PPFIBP1: variants seen among roughly 807,000 people sequenced by gnomAD.
PPFIBP1 encodes PPFIB scaffold protein 1.
In PPFIBP1, 112 loss-of-function variants were observed where a neutral mutation model predicts 137.8. That is an observed-to-expected ratio of 0.81 (90% CI 0.70 to 0.95). The LOEUF (loss-of-function observed/expected upper bound fraction) is 0.95. PPFIBP1 is among the 40% of genes least tolerant of loss of function. PPFIBP1 has a pLI of 0.00. For synonymous variants in PPFIBP1, 378 were observed against 417.3 expected (o/e 0.91, Z 1.15); for missense variants, 1,083 against 1,196.6 (o/e 0.91, Z 1.40).
Position 27,646,287 on chromosome 12 carries a change from G to A in PPFIBP1, c.357+139G>A, listed in dbSNP as rs760980370. The A allele has an allele frequency of 8.4e-6, 6 of 712,316 alleles. No individual in the cohort carries two copies. The East Asian group carries it at 1.7e-4, about 20-fold the overall frequency. 44.1% of individuals were successfully genotyped at this position (712,316 alleles called of 1,614,324 possible). On this transcript the variant is annotated intron_variant, in intron 5 of 29. Coordinates refer to ENST00000228425, the MANE Select transcript of PPFIBP1 (RefSeq NM_003622.4). ...TGATAAGCCATCTGTACACAATAGG[G>A]AGTGGTGAGGATTGGGGCAGAATGA...
intron 1 of PPFIBP1, among the ~76,000 whole-genome samples, chr12:27,528,105 C>T (rs143144793): frequency 1.1e-3 from 174 of 152,152 alleles, no homozygotes; most frequent in African/African-American, 3.9e-3. Flanking sequence ...TATACCACAA[C>T]GCCTGGCTAA....
intron 2 of PPFIBP1, among the ~76,000 whole-genome samples, chr12:27,622,785 G>A (rs1159429459): frequency 2.0e-5 from 3 of 152,196 alleles, no homozygotes; most frequent in Non-Finnish European, 4.4e-5. Context: ...GTGTATGTGT[G>A]TGTCTGAATA....
At chr12:27,556,161 C>T (rs1028939646) in intron 1 of PPFIBP1, among the ~76,000 whole-genome samples, 16 of 152,280 alleles carry the variant, frequency 1.1e-4, no homozygotes, top group African/African-American at 3.6e-4. Flanking sequence ...AATCAAAGCT[C>T]GGTGTGGTTT....
intron 2 of PPFIBP1, among the ~76,000 whole-genome samples, chr12:27,612,520 G>T (rs2055247691): frequency 6.6e-6 from 1 of 151,728 alleles, no homozygotes. Context: ...CTAACTGTTT[G>T]TTTGTTTTAA....
At chr12:27,617,569 T>C (rs1307699926) in intron 2 of PPFIBP1, among the ~76,000 whole-genome samples, 1 of 152,210 alleles carries the variant, frequency 6.6e-6, no homozygotes, top group African/African-American at 2.4e-5. Context: ...TCAAGTTCCT[T>C]ATATGAAATG....
intron 2 of PPFIBP1, among the ~76,000 whole-genome samples, chr12:27,602,332 G>A (rs926431449): frequency 2.6e-5 from 4 of 152,212 alleles, no homozygotes; most frequent in Admixed American, 2.0e-4. Context: ...GGTGTACAGT[G>A]TGATGATTTC....
Position 27,552,324 on chromosome 12 carries a change from A to G in PPFIBP1, c.-123-25828A>G, listed in dbSNP as rs1011791725. ...TGTTAATGAAGAGAATTGAACCGCT[A>G]TCAGGTTAGGGGTCAAGAAACCTTT... On this transcript the variant is annotated intron_variant, in intron 1 of 29. Coordinates refer to ENST00000228425, the MANE Select transcript of PPFIBP1 (RefSeq NM_003622.4). Among the ~76,000 whole-genome samples, 23 of 152,350 alleles carry G rather than the reference A, an allele frequency of 1.5e-4. No homozygotes were observed. The East Asian group carries it at 3.7e-3, about 24-fold the overall frequency.
chr12:27,607,455 T>C (rs2054631195), intron 2 of PPFIBP1, among the ~76,000 whole-genome samples: 2 of 152,176 alleles, frequency 1.3e-5, no homozygotes, highest in South Asian at 4.1e-4. Context: ...GAAGCAGATG[T>C]GAAAGAAATG....
At chr12:27,529,519 C>T (rs1384211575) in intron 1 of PPFIBP1, among the ~76,000 whole-genome samples, 24 of 152,278 alleles carry the variant, frequency 1.6e-4, no homozygotes, top group Non-Finnish European at 2.9e-5. Context: ...CATGGCAAAA[C>T]CCCGTCTCTA....
chr12:27,529,091 A>G (rs916081039), intron 1 of PPFIBP1, among the ~76,000 whole-genome samples: 1 of 152,180 alleles, frequency 6.6e-6, no homozygotes, highest in East Asian at 1.9e-4. Context: ...TATAAACTCA[A>G]ATTGCACTGA....
rs2061265702 is a variant in PPFIBP1, at chr12:27,687,366, C to G, written c.2248-19C>G. 6.2e-7 allele frequency: 1 copy of G among 1,612,006 alleles called. No homozygotes were observed. The stretch of plus-strand genomic sequence containing the variant: ...TACAGGCCAGCACAGTGAGCTCCTC[C>G]TTTTGTTCTTTTTTGCAGGATGACT... On this transcript the variant is annotated intron_variant, in intron 24 of 29. Transcript: ENST00000228425.
chr12:27,590,080 T>A (rs575091337), intron 2 of PPFIBP1, among the ~76,000 whole-genome samples: 17 of 152,370 alleles, frequency 1.1e-4, no homozygotes, highest in Middle Eastern at 3.4e-3. Flanking sequence ...TTCACTTTTT[T>A]AAAATTATAT....
At chr12:27,612,917 A>G (rs2055303066) in intron 2 of PPFIBP1, among the ~76,000 whole-genome samples, 2 of 133,824 alleles carry the variant, frequency 1.5e-5, no homozygotes, top group African/African-American at 5.4e-5. Flanking sequence ...AGGGTGGGTT[A>G]GATAATACAC....
chr12:27,525,984 C>T lies in PPFIBP1; in HGVS notation c.-124+1619C>T, dbSNP rs1943703317. Among the ~76,000 whole-genome samples the T allele has an allele frequency of 4.6e-5, 7 of 152,298 alleles. No individual in the cohort carries two copies. The South Asian group carries it at 1.4e-3, about 32-fold the overall frequency. On this transcript the variant is annotated intron_variant, in intron 1 of 29. Coordinates refer to ENST00000228425, the MANE Select transcript of PPFIBP1 (RefSeq NM_003622.4). Reference sequence around the variant, plus strand: ...ATTTTAATTTTGGTTTGTATTTTGGCTTAAGACACAGAAATTGCAAATGGC... The same window carrying T: ...ATTTTAATTTTGGTTTGTATTTTGGTTTAAGACACAGAAATTGCAAATGGC...
chr12:27,648,841 T>C (rs925824697), intron 6 of PPFIBP1, among the ~76,000 whole-genome samples: 6 of 149,224 alleles, frequency 4.0e-5, no homozygotes, highest in Middle Eastern at 3.5e-3. Context: ...GTGGTTACCA[T>C]AGGCTGGGTA....
chr12:27,550,993 T>TATATATATATA lies in PPFIBP1; in HGVS notation c.-124+26628_-124+26629insATATATATATA, dbSNP rs1565751277. Among the ~76,000 whole-genome samples, 653 of 93,942 alleles carry TATATATATATA rather than the reference T, an allele frequency of 7.0e-3. 1 individual carries two copies. The highest frequency in any genetic ancestry group is 0.029 in the African/African-American group (618 of 21,616). The allele number at this position is 93,942 out of a possible 152,430, so 61.6% of individuals were successfully genotyped here. A position where few individuals can be genotyped will look rare whatever the true frequency, so the allele number is the denominator to read the frequency against. ...GCACTAATTTTATATATATATATAT[T>TATATATATATA]TTTTTTTTTTTAACAAACGTGAAAA... On this transcript the variant is annotated intron_variant, in intron 1 of 29. Transcript: ENST00000228425.
At chr12:27,623,629 G>A (rs1324644058) in intron 2 of PPFIBP1, among the ~76,000 whole-genome samples, 2 of 152,178 alleles carry the variant, frequency 1.3e-5, no homozygotes, top group East Asian at 1.9e-4. Context: ...GATCACTTGA[G>A]CCCAGAAGGT....
intron 13 of PPFIBP1, among the ~76,000 whole-genome samples, chr12:27,670,787 A>T (rs2060134736): frequency 2.3e-5 from 3 of 131,232 alleles, no homozygotes; most frequent in African/African-American, 8.4e-5. Flanking sequence ...TCAAAAAAAA[A>T]AAAAAAAAAT....
At chr12:27,644,958 C>T (rs2058373592) in intron 4 of PPFIBP1, among the ~76,000 whole-genome samples, 1 of 151,592 alleles carries the variant, frequency 6.6e-6, no homozygotes, top group South Asian at 2.1e-4. Context: ...TTTATTATTC[C>T]AAGAATTGAT....
Sources: gnomAD v4.1 joint callset for allele counts (sites outside exome capture counted in the v4.1 genomes callset) on GRCh38, gnomAD v4.1.1 for gene constraint, MANE v1.5 for transcripts, NCBI Gene and HGNC (gene_info 2026-07-23, HGNC 2026-07-21) for gene names.